Variants in WDR7 observed in about 807,000 individuals in gnomAD.
WDR7 encodes WD repeat domain 7, also known as WD repeat-containing protein 7.
In WDR7, 46 loss-of-function variants were observed where a neutral mutation model predicts 169.4. The ratio of observed to expected loss-of-function variants is 0.27; its 90% CI spans 0.21 to 0.35. WDR7 has a LOEUF of 0.35. Ranked by LOEUF, WDR7 falls within the 10% of genes least tolerant of loss-of-function variation. WDR7 has a pLI of 1.00. For missense variants in WDR7, 1,534 were observed against 1,859.3 expected, an observed-to-expected ratio of 0.83 and a Z score of 3.22; for synonymous variants, 612 against 666.8, an observed-to-expected ratio of 0.92 and a Z score of 1.27.
Position 56,880,085 on chromosome 18 carries a change from G to T in WDR7, c.3446G>T (p.Arg1149Ile). 1.2e-6 allele frequency: 2 copies of T among 1,614,058 alleles called. No homozygotes were observed. Among genetic ancestry groups the T allele is most frequent in the South Asian group, 1.1e-5 (1 of 91,070 alleles). ...AEIEPPKLLT[R>I]PRSSSQIPEG... ...ATTGAACCTCCTAAACTATTGACCA[G>T]ACCTCGAAGCTCTAGCCAAATTCCT... The change falls in exon 21 of 28, where the codon AGA (arginine) becomes ATA (isoleucine). Residue 1149 changes from arginine (R) to isoleucine (I), a missense_variant. By Grantham distance (97) the Arg-to-Ile change is moderately conservative. Transcript: ENST00000254442.
chr18:57,017,275 G>T (rs994283095), intron 26 of WDR7, among the ~76,000 whole-genome samples: 1 of 152,202 alleles, frequency 6.6e-6, no homozygotes, highest in Admixed American at 6.5e-5. Context: ...TTAAAACAGC[G>T]AACTTCCCTG....
intron 26 of WDR7, among the ~76,000 whole-genome samples, chr18:56,987,755 C>T (rs2047745388): frequency 6.6e-6 from 1 of 152,064 alleles, no homozygotes; most frequent in African/African-American, 2.4e-5. Flanking sequence ...TCTCTGGTTT[C>T]AGGTTACTTT....
rs58650948 is a variant in WDR7 at position 56,887,109 on chromosome 18, A to G, written c.3526+6944A>G. The stretch of plus-strand genomic sequence containing the variant: ...TAGAAAAAGAGGAAAGAATTAGGGG[A>G]AAAAAGGGATTTGAAAAGCTGTGGC... On this transcript the variant is annotated intron_variant, in intron 21 of 27. Coordinates refer to ENST00000254442, the MANE Select transcript of WDR7 (RefSeq NM_015285.3). Among the ~76,000 whole-genome samples, 1,429 of 152,202 alleles carry G rather than the reference A, an allele frequency of 9.4e-3. 24 individuals are homozygous for G. The highest frequency in any genetic ancestry group is 0.032 in the African/African-American group (1,344 of 41,468).
intron 21 of WDR7, among the ~76,000 whole-genome samples, chr18:56,921,659 T>C (rs1158082629): frequency 6.6e-6 from 1 of 151,988 alleles, no homozygotes; most frequent in Non-Finnish European, 1.5e-5. Flanking sequence ...GAAAGGAGGG[T>C]CTTTTGAAAG....
intron 21 of WDR7, among the ~76,000 whole-genome samples, chr18:56,880,452 G>A (rs1273693416): frequency 6.6e-6 from 1 of 152,188 alleles, no homozygotes; most frequent in East Asian, 1.9e-4. Flanking sequence ...ATGAAAGCTA[G>A]ATTCAAGTTA....
chr18:56,761,321 T>C (rs2043977854), intron 16 of WDR7, among the ~76,000 whole-genome samples: 1 of 152,236 alleles, frequency 6.6e-6, no homozygotes, highest in Non-Finnish European at 1.5e-5. Flanking sequence ...ATAAAATTTC[T>C]TTATAGATGA....
At chr18:56,728,873 T>A (rs114437067) in intron 13 of WDR7, among the ~76,000 whole-genome samples, 110 of 152,300 alleles carry the variant, frequency 7.2e-4, no homozygotes, top group African/African-American at 2.5e-3. Flanking sequence ...TTAGCTTCCC[T>A]CTGCACCCTC....
intron 21 of WDR7, among the ~76,000 whole-genome samples, chr18:56,921,892 T>C (rs2046728113): frequency 6.6e-6 from 1 of 152,198 alleles, no homozygotes; most frequent in African/African-American, 2.4e-5. Context: ...AGGCCTCTAG[T>C]GTTGCCTGTA....
intron 14 of WDR7, among the ~76,000 whole-genome samples, chr18:56,751,288 C>T (rs1236964843): frequency 2.0e-5 from 3 of 152,128 alleles, no homozygotes; most frequent in Admixed American, 6.6e-5. Flanking sequence ...GTGCCGAAAG[C>T]GGGCATGTGG....
chr18:56,842,542 T>C (rs2045502058), intron 20 of WDR7, among the ~76,000 whole-genome samples: 2 of 152,200 alleles, frequency 1.3e-5, no homozygotes, highest in African/African-American at 4.8e-5. Context: ...CAGAAAGGTA[T>C]AAGGTTGTTC....
intron 20 of WDR7, among the ~76,000 whole-genome samples, chr18:56,875,308 T>A (rs1047890613): frequency 6.6e-6 from 1 of 152,196 alleles, no homozygotes; most frequent in Non-Finnish European, 1.5e-5. Flanking sequence ...TCCCGTGTCT[T>A]CTGTTTAACA....
intron 21 of WDR7, among the ~76,000 whole-genome samples, chr18:56,913,760 A>G (rs2046585133): frequency 6.6e-6 from 1 of 151,982 alleles, no homozygotes; most frequent in African/African-American, 2.4e-5. Context: ...ACACCACTGC[A>G]CTCCAGCCTG....
At chr18:56,805,139 G>A (rs2044749558) in intron 19 of WDR7, among the ~76,000 whole-genome samples, 1 of 152,134 alleles carries the variant, frequency 6.6e-6, no homozygotes, top group Non-Finnish European at 1.5e-5. Flanking sequence ...GTTGGGTTGG[G>A]TTCTAGATGT....
intron 13 of WDR7, among the ~76,000 whole-genome samples, chr18:56,728,302 C>T (rs2026504666): frequency 6.6e-6 from 1 of 152,176 alleles, no homozygotes; most frequent in Non-Finnish European, 1.5e-5. Context: ...TTTTCTTTAT[C>T]AAACATTTAA....
At chr18:56,658,892 T>G (rs950378909) in intron 1 of WDR7, among the ~76,000 whole-genome samples, 5 of 151,898 alleles carry the variant, frequency 3.3e-5, no homozygotes, top group African/African-American at 1.2e-4. Context: ...TTTGTATTTT[T>G]TTTTTAGTAG....
chr18:56,936,670 T>G (rs2046965075), intron 23 of WDR7, among the ~76,000 whole-genome samples: 1 of 152,206 alleles, frequency 6.6e-6, no homozygotes, highest in South Asian at 2.1e-4. Flanking sequence ...GGCCTATGTC[T>G]GCCCCAGAGC....
At chr18:57,009,023 G>T (rs1436787012) in intron 26 of WDR7, among the ~76,000 whole-genome samples, 2 of 140,890 alleles carry the variant, frequency 1.4e-5, no homozygotes, top group Non-Finnish European at 3.3e-5. Context: ...AGTGAAAGTG[G>T]ATAGTCTAAG....
intron 13 of WDR7, among the ~76,000 whole-genome samples, chr18:56,719,445 C>T (rs2026267827): frequency 6.6e-6 from 1 of 151,786 alleles, no homozygotes; most frequent in African/African-American, 2.4e-5. Context: ...GCCTGTAGTC[C>T]CAGCTACTTG....
intron 1 of WDR7, among the ~76,000 whole-genome samples, chr18:56,658,354 T>G (rs1157576860): frequency 6.6e-6 from 1 of 152,174 alleles, no homozygotes; most frequent in African/African-American, 2.4e-5. Context: ...TCTGCCTGCC[T>G]CGGCCTCCCA....
Sources: allele counts gnomAD v4.1 joint callset (sites outside exome capture counted in the v4.1 genomes callset), GRCh38; gene constraint gnomAD v4.1.1; transcripts MANE v1.5; gene names NCBI Gene and HGNC (gene_info 2026-07-23, HGNC 2026-07-21).